SGCZ: variants seen among roughly 807,000 people sequenced by gnomAD.
The protein encoded by SGCZ is sarcoglycan zeta.
A neutral mutation model predicts 41.3 loss-of-function variants in SGCZ; 40 were observed. The observed-to-expected ratio is 0.97, with a 90% confidence interval of 0.75 to 1.26. The LOEUF is 1.26. Among genes scored for constraint, SGCZ ranks in the 50% most tolerant of loss-of-function variants. The pLI, the probability that SGCZ is intolerant of heterozygous loss-of-function variation, is 0.00. For synonymous variants in SGCZ, 206 were observed against 137.5 expected, an observed-to-expected ratio of 1.50 and a Z score of -3.49; for missense variants, 552 against 369.8, an observed-to-expected ratio of 1.49 and a Z score of -4.04.
chr8:14,867,141 TTTTCTTTC>T (rs983149987), intron 1 of SGCZ, among the ~76,000 whole-genome samples: 2 of 152,126 alleles, frequency 1.3e-5, no homozygotes, highest in African/African-American at 4.8e-5. Flanking sequence ...TCGCTCATTC[TTTTCTTTC>T]TTTCTTTCTT....
intron 1 of SGCZ, among the ~76,000 whole-genome samples, chr8:14,990,107 G>A (rs993034118): frequency 6.6e-6 from 1 of 152,148 alleles, no homozygotes; most frequent in Non-Finnish European, 1.5e-5. Context: ...ACGTTGCCCT[G>A]CACACAGCCT....
In SGCZ at chr8:15,226,367, C is replaced by T. The variant is rs559813367; in HGVS notation, c.39+11218G>A. On this transcript the variant is annotated intron_variant, in intron 1 of 7. Transcript: ENST00000382080. Reference sequence around the variant, plus strand: ...GATTGTTAAGCATAACTCATGGCTCCGCAAGAGTGTAACTCAAAGATTTCA... The same window carrying T: ...GATTGTTAAGCATAACTCATGGCTCTGCAAGAGTGTAACTCAAAGATTTCA... 2.5e-4 allele frequency among the ~76,000 whole-genome samples: 38 copies of T among 152,248 alleles called. No homozygotes were observed. In the South Asian group the frequency reaches 5.6e-3, roughly 22 times the overall value.
At chr8:14,899,358 T>C (rs1294968997) in intron 1 of SGCZ, among the ~76,000 whole-genome samples, 1 of 152,152 alleles carries the variant, frequency 6.6e-6, no homozygotes, top group Non-Finnish European at 1.5e-5. Context: ...TGTTAACACA[T>C]GAAGATACAT....
intron 4 of SGCZ, among the ~76,000 whole-genome samples, chr8:14,212,736 C>A (rs1489166129): frequency 6.6e-6 from 1 of 152,010 alleles, no homozygotes; most frequent in Admixed American, 6.5e-5. Flanking sequence ...CTGAAGCCAA[C>A]ATTGAGATGA....
intron 1 of SGCZ, among the ~76,000 whole-genome samples, chr8:14,587,049 T>G (rs1025136298): frequency 1.2e-4 from 18 of 151,868 alleles, no homozygotes; most frequent in Admixed American, 1.1e-3. Context: ...AAAATAAACT[T>G]GGATTTTATT....
chr8:14,968,853 G>A (rs756636069), intron 1 of SGCZ, among the ~76,000 whole-genome samples: 1 of 152,090 alleles, frequency 6.6e-6, no homozygotes, highest in Non-Finnish European at 1.5e-5. Context: ...TACATTTTAT[G>A]AAGGTTTGAA....
intron 1 of SGCZ, among the ~76,000 whole-genome samples, chr8:14,825,511 T>C (rs2130582101): frequency 6.6e-6 from 1 of 152,334 alleles, no homozygotes; most frequent in South Asian, 2.1e-4. Context: ...AAAATAATTG[T>C]GACTTTAAAT....
intron 3 of SGCZ, among the ~76,000 whole-genome samples, chr8:14,294,776 A>G (rs1473697744): frequency 6.6e-6 from 1 of 152,106 alleles, no homozygotes; most frequent in Admixed American, 6.6e-5. Context: ...AAAGATATCT[A>G]TCATCTAAAA....
intron 5 of SGCZ, among the ~76,000 whole-genome samples, chr8:14,155,614 T>C (rs1803852983): frequency 6.6e-6 from 1 of 151,940 alleles, no homozygotes; most frequent in African/African-American, 2.4e-5. Flanking sequence ...GTTGGCATTC[T>C]ATAGTAAAAA....
intron 1 of SGCZ, among the ~76,000 whole-genome samples, chr8:15,068,298 C>G (rs902609513): frequency 1.3e-5 from 2 of 152,078 alleles, no homozygotes; most frequent in African/African-American, 4.8e-5. Context: ...TGATCATCAC[C>G]CTGCTTAGAA....
intron 5 of SGCZ, 109 bp from the exon 6 acceptor site, chr8:14,108,344 G>C (rs1396738127): frequency 2.2e-6 from 2 of 912,966 alleles, no homozygotes; most frequent in Middle Eastern, 4.5e-4. Context: ...ACTTAAAACA[G>C]GTACATATGA....
chr8:14,931,360 G>A (rs1482234293), intron 1 of SGCZ, among the ~76,000 whole-genome samples: 1 of 151,900 alleles, frequency 6.6e-6, no homozygotes, highest in Non-Finnish European at 1.5e-5. Flanking sequence ...TTCCTACTTT[G>A]TTATTTGTGT....
chr8:14,632,603 G>A (rs890272704), intron 1 of SGCZ, among the ~76,000 whole-genome samples: 13 of 151,818 alleles, frequency 8.6e-5, no homozygotes, highest in South Asian at 2.1e-4. Flanking sequence ...ATTCTTAGTT[G>A]AATATTTACT....
At chr8:15,159,712 T>TTCCC (rs1799446023) in intron 1 of SGCZ, among the ~76,000 whole-genome samples, 1 of 42,072 alleles carries the variant, frequency 2.4e-5, no homozygotes, top group Non-Finnish European at 5.3e-5. Context: ...TTTTTTTTGT[T>TTCCC]CCCCCCTCCC....
chr8:15,204,641 C>T (rs760606941), intron 1 of SGCZ, among the ~76,000 whole-genome samples: 1 of 152,082 alleles, frequency 6.6e-6, no homozygotes, highest in Non-Finnish European at 1.5e-5. Context: ...AATGAAACAC[C>T]ATACGATAGA....
At chr8:15,055,102 G>A (rs1804658126) in intron 1 of SGCZ, among the ~76,000 whole-genome samples, 1 of 152,000 alleles carries the variant, frequency 6.6e-6, no homozygotes, top group South Asian at 2.1e-4. Context: ...GGGTACACAG[G>A]GCTCTTCATA....
intron 1 of SGCZ, among the ~76,000 whole-genome samples, chr8:15,055,538 G>C (rs542751798): frequency 6.6e-6 from 1 of 152,256 alleles, no homozygotes; most frequent in South Asian, 2.1e-4. Context: ...TAGCATTACT[G>C]GTTTACATGG....
intron 1 of SGCZ, among the ~76,000 whole-genome samples, chr8:14,806,818 T>C (rs1442698540): frequency 1.3e-5 from 2 of 151,898 alleles, no homozygotes; most frequent in African/African-American, 2.4e-5. Context: ...TGAACATTGA[T>C]GCAAAAATCC....
At chr8:14,678,611 C>T (rs557072991) in intron 1 of SGCZ, among the ~76,000 whole-genome samples, 4 of 152,350 alleles carry the variant, frequency 2.6e-5, no homozygotes, top group African/African-American at 9.6e-5. Flanking sequence ...TACAGCCACT[C>T]TGGAAAAGGC....
Sources: gnomAD v4.1 joint callset for allele counts (sites outside exome capture counted in the v4.1 genomes callset) on GRCh38, gnomAD v4.1.1 for gene constraint, MANE v1.5 for transcripts, NCBI Gene and HGNC (gene_info 2026-07-23, HGNC 2026-07-21) for gene names.